The following PKNOX1 variants were observed in gnomAD, a reference collection of about 807,000 sequenced individuals.
The protein encoded by PKNOX1 is homeobox protein PKNOX1.
A neutral mutation model predicts 51.9 loss-of-function variants in PKNOX1; 15 were observed. That is an observed-to-expected ratio of 0.29 (90% CI 0.19 to 0.45). PKNOX1 has a LOEUF of 0.45. PKNOX1 is among the 20% of genes least tolerant of loss of function. PKNOX1 has a pLI of 1.00. For synonymous variants in PKNOX1, 219 were observed against 211.1 expected (o/e 1.04, Z -0.32); for missense variants, 462 against 547.5 (o/e 0.84, Z 1.56).
intron 1 of PKNOX1, among the ~76,000 whole-genome samples, chr21:42,988,433 AAC>A (rs1407243981): frequency 2.0e-5 from 3 of 152,146 alleles, no homozygotes; most frequent in Admixed American, 1.3e-4. Context: ...AGATATGAAA[AAC>A]ACATGGGGAT....
chr21:43,021,357 T>A lies in PKNOX1; in HGVS notation c.775T>A (p.Ser259Thr). The A allele has an allele frequency of 6.2e-7, 1 of 1,613,420 alleles. No homozygotes were observed. The change falls in exon 8 of 11, where the codon TCT becomes ACT. Residue 259 changes from serine (S) to threonine (T), a missense_variant. Physicochemically the swap from Ser to Thr is moderately conservative, Grantham distance 58. This residue lies in a region of PKNOX1 where 75 missense variants were observed against 129.8 expected (regional missense o/e 0.58). Transcript: ENST00000291547. This position sits in a 1 kb window ranked among gnomAD's most constrained non-coding sequence, Gnocchi z 4.6. ...CATCTTGCATCAAGATGATGGTTCA[T>A]CTAAGAACAAGAGGGGCGTCCTGCC... ...LSILHQDDGS[S>T]KNKRGVLPKH...
intron 1 of PKNOX1, among the ~76,000 whole-genome samples, chr21:42,992,060 C>T (rs934507056): frequency 5.9e-5 from 9 of 152,218 alleles, no homozygotes; most frequent in African/African-American, 2.2e-4. Flanking sequence ...CATGTGGCTT[C>T]GGAAGCTGCA....
At chr21:43,027,439 C>T (rs992855639) in intron 9 of PKNOX1, among the ~76,000 whole-genome samples, 1 of 152,106 alleles carries the variant, frequency 6.6e-6, no homozygotes, top group Non-Finnish European at 1.5e-5. Flanking sequence ...CTATCTTTGT[C>T]CTCTAGTCAC....
rs149510960 is a variant in PKNOX1 at position 43,018,217 on chromosome 21, T to A, written c.707T>A (p.Ile236Asn). 7 of 1,612,876 alleles carry A rather than the reference T, an allele frequency of 4.3e-6. No individual in the cohort carries two copies. Among genetic ancestry groups the A allele is most frequent in the Non-Finnish European group, 4.2e-6 (5 of 1,179,012 alleles). The part of the protein sequence containing the change: ...TQTLSPGTIR[I>N]QNSQLQLQLN... ...ACATTGTCGCCTGGGACAATTAGGA[T>A]CCAGAACTCCCAGGTGCGTGCGCCA... The change falls in exon 7 of 11, where the codon ATC becomes AAC. Residue 236 changes from isoleucine (I) to asparagine (N), a missense_variant. Transcript: ENST00000291547.
chr21:42,974,888 C>G (rs2058984020), intron 1 of PKNOX1, among the ~76,000 whole-genome samples: 1 of 146,704 alleles, frequency 6.8e-6, no homozygotes, highest in Non-Finnish European at 1.5e-5. Context: ...GGGGAGGGGG[C>G]GCCTTCAGCC....
chr21:43,014,301 A>T (rs577941961), intron 5 of PKNOX1, among the ~76,000 whole-genome samples: 23 of 151,934 alleles, frequency 1.5e-4, no homozygotes, highest in Non-Finnish European at 2.9e-4. Flanking sequence ...GATTACAAGC[A>T]TGAGCTACCA....
rs982769407 is a variant in PKNOX1 at position 43,021,844 on chromosome 21, G to A, written c.849+413G>A. Among the ~76,000 whole-genome samples the A allele has an allele frequency of 6.6e-6, 1 of 152,230 alleles. No homozygotes were observed. The highest frequency in any genetic ancestry group is 2.4e-5 in the African/African-American group (1 of 41,464). Reference sequence around the variant, plus strand: ...CGGGTGCACCCACAGGTGGGCCACCGGGTGGGTGCCTTTAGCTGGAAGCGA... The same window carrying A: ...CGGGTGCACCCACAGGTGGGCCACCAGGTGGGTGCCTTTAGCTGGAAGCGA... On this transcript the variant is annotated intron_variant, in intron 8 of 10. Coordinates refer to ENST00000291547, the MANE Select transcript of PKNOX1 (RefSeq NM_004571.5). The surrounding 1 kb of genome is among the most constrained non-coding windows in gnomAD (Gnocchi z 4.6).
chr21:43,024,024 G>A (rs552212608), intron 8 of PKNOX1, among the ~76,000 whole-genome samples: 64 of 151,576 alleles, frequency 4.2e-4, no homozygotes, highest in Admixed American at 3.0e-3. Context: ...GTGAGGCACC[G>A]CGCCTGGCCC....
chr21:43,010,705 A>G (rs1200885406), intron 4 of PKNOX1, among the ~76,000 whole-genome samples: 1 of 151,784 alleles, frequency 6.6e-6, no homozygotes, highest in Non-Finnish European at 1.5e-5. Flanking sequence ...TCTCTACTGA[A>G]AATACAAAAT....
rs1250773798 is a variant in PKNOX1, at chr21:42,992,885, T to G, written c.-56-11441T>G. The stretch of plus-strand genomic sequence containing the variant: ...AATAGCATTGGGGGCTTCTTTGATA[T>G]CATTGCGAGCTTCCTCACAGCACTG... On this transcript the variant is annotated intron_variant, in intron 1 of 10. Coordinates refer to ENST00000291547, the MANE Select transcript of PKNOX1 (RefSeq NM_004571.5). Among the ~76,000 whole-genome samples the G allele has an allele frequency of 3.0e-5, 4 of 134,740 alleles. No individual in the cohort carries two copies. The South Asian group carries it at 1.0e-3, about 34-fold the overall frequency. The allele number at this position is 134,740 out of a possible 152,430, so 88.4% of individuals were successfully genotyped here.
intron 1 of PKNOX1, among the ~76,000 whole-genome samples, chr21:42,998,331 C>T (rs1031387081): frequency 6.6e-6 from 1 of 152,148 alleles, no homozygotes; most frequent in African/African-American, 2.4e-5. Context: ...CCCACCAGCT[C>T]CCTCCCATAA....
At chr21:43,012,781 G>T (rs541917737) in intron 4 of PKNOX1, among the ~76,000 whole-genome samples, 1 of 152,262 alleles carries the variant, frequency 6.6e-6, no homozygotes, top group East Asian at 1.9e-4. Flanking sequence ...CGAATCAGTG[G>T]AAGGGCTAGG....
rs969976800 is a variant in PKNOX1 at position 43,030,278 on chromosome 21, TGTGTGTGTGTGTGTGC to T, written c.*185_*200del. On this transcript the variant is annotated 3_prime_UTR_variant, in exon 11 of 11. Coordinates refer to ENST00000291547, the MANE Select transcript of PKNOX1 (RefSeq NM_004571.5). ...TCTTTCAAGTGTGTGTGTGTGTGTG[TGTGTGTGTGTGTGTGC>T]GTGTGTGCGTGTGTGTGGATTTTTA... The T allele has an allele frequency of 8.4e-5, 28 of 334,932 alleles. No homozygotes were observed. Among genetic ancestry groups the T allele is most frequent in the South Asian group, 1.0e-4 (2 of 19,048 alleles). The allele number at this position is 334,932 out of a possible 1,614,324, so 20.7% of individuals were successfully genotyped here.
intron 1 of PKNOX1, among the ~76,000 whole-genome samples, chr21:42,984,909 T>TGA (rs10654487): frequency 0.9 from 134,085 of 149,174 alleles, 60,397 homozygotes; most frequent in African/African-American, 0.91. Context: ...AGGCAGTGCC[T>TGA]GAGAGAGGCT....
chr21:42,981,329 G>A (rs560788371), intron 1 of PKNOX1, among the ~76,000 whole-genome samples: 15 of 152,364 alleles, frequency 9.8e-5, no homozygotes, highest in African/African-American at 3.6e-4. Context: ...AGCCTGGCCT[G>A]TTCCCGCCCT....
intron 8 of PKNOX1, among the ~76,000 whole-genome samples, chr21:43,022,832 C>A (rs767835267): frequency 6.6e-6 from 1 of 151,926 alleles, no homozygotes; most frequent in African/African-American, 2.4e-5. Context: ...TCTAAGCAGT[C>A]GGGAGGTTTA....
chr21:43,033,433 G>A lies in PKNOX1; in HGVS notation c.*3332G>A, dbSNP rs779730912. 5 of 125,722 alleles carry A rather than the reference G, an allele frequency of 4.0e-5. No individual in the cohort carries two copies. The highest frequency in any genetic ancestry group is 2.5e-4 in the South Asian group (1 of 3,958). 7.8% of individuals were successfully genotyped at this position (125,722 alleles called of 1,614,324 possible). On this transcript the variant is annotated 3_prime_UTR_variant, in exon 11 of 11. Coordinates refer to ENST00000291547, the MANE Select transcript of PKNOX1 (RefSeq NM_004571.5). Reference sequence around the variant, plus strand: ...GACAGAAAGAACTCAGCAATCTTTCGTTCTAGTTATATTCGGTCTTTGAAA... The same window carrying A: ...GACAGAAAGAACTCAGCAATCTTTCATTCTAGTTATATTCGGTCTTTGAAA...
At chr21:43,000,855 C>G (rs1978721737) in intron 1 of PKNOX1, among the ~76,000 whole-genome samples, 1 of 152,008 alleles carries the variant, frequency 6.6e-6, no homozygotes, top group East Asian at 1.9e-4. Context: ...TGCAGTCCAG[C>G]CTAGGTGACA....
chr21:42,984,446 T>C (rs2059041643), intron 1 of PKNOX1, among the ~76,000 whole-genome samples: 1 of 151,966 alleles, frequency 6.6e-6, no homozygotes, highest in Non-Finnish European at 1.5e-5. Flanking sequence ...TGGAGTGCGA[T>C]GGCATGATCT....
Sources: allele counts gnomAD v4.1 joint callset (sites outside exome capture counted in the v4.1 genomes callset), GRCh38; gene constraint gnomAD v4.1.1; regional missense constraint gnomAD v4.1.1; non-coding constraint Gnocchi (gnomAD v3.1); transcripts MANE v1.5; gene names NCBI Gene and HGNC (gene_info 2026-07-23, HGNC 2026-07-21).